Variants in TRIM22 observed in about 807,000 individuals in gnomAD.
TRIM22 encodes the protein tripartite motif containing 22, also known as E3 ubiquitin-protein ligase TRIM22.
Under a neutral mutation model 53.6 loss-of-function variants are expected in TRIM22, and 45 were observed. That is an observed-to-expected ratio of 0.84 (90% confidence interval 0.66 to 1.08). The LOEUF (loss-of-function observed/expected upper bound fraction) is 1.08. TRIM22 is among the 50% of genes least tolerant of loss of function. The pLI is 0.00. For missense variants in TRIM22, 616 were observed against 590.9 expected, an observed-to-expected ratio of 1.04 and a Z score of -0.44; for synonymous variants, 225 against 216.6, an observed-to-expected ratio of 1.04 and a Z score of -0.34.
At position 5,709,612 on chromosome 11, in the gene TRIM22, C is replaced by T. The variant is rs1315789168; in HGVS notation, c.1461C>T (p.Cys487=). The part of the protein sequence containing the change: ...PAYPYFNPWN[C]LVPMTVCPPS... ...ATCCGTATTTCAATCCTTGGAACTG[C>T]CTAGTCCCCATGACTGTGTGCCCAC... Residue 487 remains cysteine, a synonymous_variant, in exon 8 of 8, where the codon TGC becomes TGT. Transcript: ENST00000379965. 6.8e-6 allele frequency: 11 copies of T among 1,609,666 alleles called. No homozygotes were observed. Among genetic ancestry groups the T allele is most frequent in the East Asian group, 2.2e-5 (1 of 44,884 alleles).
In TRIM22 at chr11:5,709,841, T is replaced by G; in HGVS notation, c.*193T>G. The stretch of plus-strand genomic sequence containing the variant: ...ATTGCTGATTTAAACTGTAATTGTA[T>G]TGCCGTACTGTGGGCTGGAAATCCC... On this transcript the variant is annotated 3_prime_UTR_variant, in exon 8 of 8. Coordinates refer to ENST00000379965, the MANE Select transcript of TRIM22 (RefSeq NM_006074.5). 2 of 590,496 alleles carry G rather than the reference T, an allele frequency of 3.4e-6. No homozygotes were observed. Among genetic ancestry groups the G allele is most frequent in the Non-Finnish European group, 5.9e-6 (2 of 340,686 alleles). 36.6% of individuals were successfully genotyped at this position (590,496 alleles called of 1,614,324 possible). A position where few individuals can be genotyped will look rare whatever the true frequency, so the allele number is the denominator to read the frequency against.
At position 5,690,807 on chromosome 11, in the gene TRIM22, C is replaced by A. The variant is rs559183270; in HGVS notation, c.-67+908C>A. Among the ~76,000 whole-genome samples the A allele has an allele frequency of 2.0e-5, 3 of 152,312 alleles. No homozygotes were observed. In the South Asian group the frequency reaches 6.2e-4, roughly 32 times the overall value. ...AGCCTGTGCAATGAAGCTTTGTTTT[C>A]ACTTTTCATAAAGCAACCTCATGAT... On this transcript the variant is annotated intron_variant, in intron 1 of 7. Coordinates refer to ENST00000379965, the MANE Select transcript of TRIM22 (RefSeq NM_006074.5).
chr11:5,708,992 T>C, intron 7 of TRIM22, 61 bp from the exon 8 acceptor site: 1 of 1,291,136 alleles, frequency 7.7e-7, no homozygotes, highest in Non-Finnish European at 1.1e-6. Context: ...ATGTCTCTTC[T>C]CAATGCTGTA....
intron 1 of TRIM22, among the ~76,000 whole-genome samples, chr11:5,694,982 T>C (rs899591323): frequency 4.6e-5 from 7 of 152,194 alleles, no homozygotes; most frequent in Admixed American, 3.9e-4. Context: ...TTAAAAGGTC[T>C]AATCATCTAT....
At position 5,709,782 on chromosome 11, in the gene TRIM22, C is replaced by G. The variant is rs951080827; in HGVS notation, c.*134C>G. ...CTTTTACTTAGAATGTCTTTGTATT[C>G]ATTTGCTAGGGCTTCCATAGCAAAG... On this transcript the variant is annotated 3_prime_UTR_variant, in exon 8 of 8. Transcript: ENST00000379965. 6.3e-6 allele frequency: 5 copies of G among 794,450 alleles called. No individual in the cohort carries two copies. Among genetic ancestry groups the G allele is most frequent in the Non-Finnish European group, 8.0e-6 (4 of 501,134 alleles). The allele number at this position is 794,450 out of a possible 1,614,324, so 49.2% of individuals were successfully genotyped here.
Position 5,696,287 on chromosome 11 carries a change from C to T in TRIM22, c.55C>T (p.Leu19=). The change falls in exon 2 of 8, where the codon CTG becomes TTG. Residue 19 remains leucine, a synonymous_variant. Transcript: ENST00000379965. ...IEKEVTCPIC[L]ELLTEPLSLD... Reference sequence around the variant, plus strand: ...GAAGGAGGTGACCTGCCCCATCTGCCTGGAGCTCCTGACAGAACCTCTGAG... The same window carrying T: ...GAAGGAGGTGACCTGCCCCATCTGCTTGGAGCTCCTGACAGAACCTCTGAG... 2 of 1,614,072 alleles carry T rather than the reference C, an allele frequency of 1.2e-6. No individual in the cohort carries two copies. The highest frequency in any genetic ancestry group is 1.7e-6 in the Non-Finnish European group (2 of 1,179,962).
chr11:5,697,247 G>A lies in TRIM22; in HGVS notation c.424-1G>A. 1.9e-6 allele frequency: 3 copies of A among 1,603,210 alleles called. No individual in the cohort carries two copies. The highest frequency in any genetic ancestry group is 1.7e-4 in the Middle Eastern group (1 of 5,992). On this transcript the variant is annotated splice_acceptor_variant, in intron 2 of 7. Coordinates refer to ENST00000379965, the MANE Select transcript of TRIM22 (RefSeq NM_006074.5). LOFTEE classifies it high-confidence loss of function. Reference sequence around the variant, plus strand: ...ACTCTGGTATAATTTATTTCTTACAGGAAAAGCTGCAGGTAGCCCTGCAGA... The same window carrying A: ...ACTCTGGTATAATTTATTTCTTACAAGAAAAGCTGCAGGTAGCCCTGCAGA...
intron 1 of TRIM22, among the ~76,000 whole-genome samples, chr11:5,695,717 TA>T (rs1326716677): frequency 6.6e-6 from 1 of 152,188 alleles, no homozygotes; most frequent in Non-Finnish European, 1.5e-5. Flanking sequence ...TTCAATAGCT[TA>T]AAAATATGCA....
chr11:5,707,170 G>T (rs1327181997), intron 5 of TRIM22, among the ~76,000 whole-genome samples: 1 of 152,040 alleles, frequency 6.6e-6, no homozygotes, highest in Admixed American at 6.6e-5. Context: ...TGTGTCTAAA[G>T]TTGCCCACCT....
At chr11:5,704,729 A>G (rs35476279) in intron 4 of TRIM22, among the ~76,000 whole-genome samples, 14,175 of 151,934 alleles carry the variant, frequency 0.093, 708 homozygotes, top group Middle Eastern at 0.15. Context: ...ATGTCATGCA[A>G]TTTTCCCCTT....
At chr11:5,692,230 A>G (rs1853184702) in intron 1 of TRIM22, among the ~76,000 whole-genome samples, 1 of 152,212 alleles carries the variant, frequency 6.6e-6, no homozygotes, top group Non-Finnish European at 1.5e-5. Flanking sequence ...GGGCTGCAAT[A>G]GGATGTGGTA....
rs550690667 is a variant in TRIM22 at position 5,704,977 on chromosome 11, A to G, written c.751-1617A>G. ...GGCAGACAGCTGAGGAATGGACCAT[A>G]GAGGACAATATTTGTTTGTCTGTCT... On this transcript the variant is annotated intron_variant, in intron 4 of 7. Coordinates refer to ENST00000379965, the MANE Select transcript of TRIM22 (RefSeq NM_006074.5). 3.3e-5 allele frequency among the ~76,000 whole-genome samples: 5 copies of G among 152,306 alleles called. No homozygotes were observed. The South Asian group carries it at 1.0e-3, about 32-fold the overall frequency.
At chr11:5,702,175 C>T (rs532219886) in intron 4 of TRIM22, among the ~76,000 whole-genome samples, 2 of 143,350 alleles carry the variant, frequency 1.4e-5, no homozygotes, top group Non-Finnish European at 1.5e-5. Flanking sequence ...ATTACATATA[C>T]ATAACTAATA....
intron 5 of TRIM22, 96 bp from the exon 6 acceptor site, chr11:5,708,077 C>A (rs953789972): frequency 6.1e-6 from 6 of 985,594 alleles, no homozygotes; most frequent in Non-Finnish European, 9.5e-6. Context: ...GGTCCAAGTG[C>A]GTCAGCAAGT....
intron 4 of TRIM22, among the ~76,000 whole-genome samples, chr11:5,704,126 C>T (rs1853419781): frequency 6.6e-6 from 1 of 152,220 alleles, no homozygotes; most frequent in Non-Finnish European, 1.5e-5. Context: ...TTAGACCCAG[C>T]AATCCCCCTG....
chr11:5,690,503 CA>C (rs1853156006), intron 1 of TRIM22, among the ~76,000 whole-genome samples: 1 of 151,978 alleles, frequency 6.6e-6, no homozygotes, highest in South Asian at 2.1e-4. Context: ...AATCTTCTTC[CA>C]AAATAAGGAA....
Position 5,698,337 on chromosome 11 carries a change from A to C in TRIM22, c.542A>C (p.Gln181Pro). Residue 181 changes from glutamine to proline, a missense_variant, in exon 4 of 8, where the codon CAG becomes CCG. Transcript: ENST00000379965. ...AWKNYIQIER[Q>P]KILKGFNEMR... Reference sequence around the variant, plus strand: ...AAGAATTATATCCAGATCGAGAGACAGAAGATTCTGAAAGGGTTCAATGAA... The same window carrying C: ...AAGAATTATATCCAGATCGAGAGACCGAAGATTCTGAAAGGGTTCAATGAA... The C allele has an allele frequency of 6.2e-7, 1 of 1,614,212 alleles. No homozygotes were observed. The highest frequency in any genetic ancestry group is 8.5e-7 in the Non-Finnish European group (1 of 1,180,012).
intron 4 of TRIM22, among the ~76,000 whole-genome samples, chr11:5,704,240 C>T (rs1214692141): frequency 6.7e-6 from 1 of 150,064 alleles, no homozygotes. Flanking sequence ...TTACTCTTTT[C>T]TTCTTTATCT....
intron 1 of TRIM22, among the ~76,000 whole-genome samples, chr11:5,691,580 G>A (rs1271693951): frequency 6.6e-6 from 1 of 152,120 alleles, no homozygotes; most frequent in Admixed American, 6.6e-5. Context: ...AATATGAGAG[G>A]TGGTCTCCTC....
Sources: gnomAD v4.1 joint callset for allele counts (sites outside exome capture counted in the v4.1 genomes callset) on GRCh38, gnomAD v4.1.1 for gene constraint, MANE v1.5 for transcripts, NCBI Gene and HGNC (gene_info 2026-07-23, HGNC 2026-07-21) for gene names.